The following LRRC49 variants were observed in gnomAD, a reference collection of about 807,000 sequenced individuals.
LRRC49 encodes leucine rich repeat containing 49.
Under a neutral mutation model 83.3 loss-of-function variants are expected in LRRC49, and 50 were observed. That is an observed-to-expected ratio of 0.60 (90% CI 0.48 to 0.76). The LOEUF (loss-of-function observed/expected upper bound fraction) is 0.76. Ranked by LOEUF, LRRC49 falls within the 30% of genes least tolerant of loss-of-function variation. LRRC49 has a pLI of 0.00. For missense variants in LRRC49, 704 were observed against 809.1 expected, an observed-to-expected ratio of 0.87 and a Z score of 1.58; for synonymous variants, 286 against 283.3, an observed-to-expected ratio of 1.01 and a Z score of -0.10.
chr15:70,877,310 C>T (rs1162447092), intron 2 of LRRC49, among the ~76,000 whole-genome samples: 1 of 152,152 alleles, frequency 6.6e-6, no homozygotes, highest in Non-Finnish European at 1.5e-5. Context: ...ATAAAACATT[C>T]CATCTCCCCT....
At chr15:70,857,285 C>A (rs2032676893) in intron 1 of LRRC49, among the ~76,000 whole-genome samples, 1 of 152,070 alleles carries the variant, frequency 6.6e-6, no homozygotes, top group South Asian at 2.1e-4. Flanking sequence ...GTGTGCCTGG[C>A]ACTACAGCTG....
rs563113766 is a variant in LRRC49 at position 71,043,090 on chromosome 15, G to A, written c.1857+5758G>A. On this transcript the variant is annotated intron_variant, in intron 15 of 15. Coordinates refer to ENST00000260382, the MANE Select transcript of LRRC49 (RefSeq NM_017691.5). ...TTTAGTTGACTTTTTATATGTGCAT[G>A]CCATCTCCCAACTAGACTGTAAGTT... 6.6e-5 allele frequency among the ~76,000 whole-genome samples: 10 copies of A among 152,230 alleles called. No homozygotes were observed. In the South Asian group the frequency reaches 1.9e-3, roughly 28 times the overall value.
Position 70,912,002 on chromosome 15 carries a change from T to C in LRRC49, c.567+404T>C, listed in dbSNP as rs192313218. ...TTTCATTCCTTTTTGGGTTTTTCAG[T>C]TGGTTTTATCACATATAGGTGTGTC... is the stretch of plus-strand genomic sequence containing the variant. On this transcript the variant is annotated intron_variant, in intron 6 of 15. Transcript: ENST00000260382. 1.7e-3 allele frequency among the ~76,000 whole-genome samples: 255 copies of C among 152,226 alleles called. 2 individuals are homozygous for C. Among genetic ancestry groups the C allele is most frequent in the Non-Finnish European group, 7.9e-4 (54 of 67,980 alleles).
In LRRC49 at chr15:71,011,050, C is replaced by T. The variant is rs116179933; in HGVS notation, c.1593+1058C>T. Among the ~76,000 whole-genome samples, 267 of 152,222 alleles carry T rather than the reference C, an allele frequency of 1.8e-3. 1 individual carries two copies. The highest frequency in any genetic ancestry group is 6.3e-3 in the African/African-American group (261 of 41,550). On this transcript the variant is annotated intron_variant, in intron 13 of 15. Coordinates refer to ENST00000260382, the MANE Select transcript of LRRC49 (RefSeq NM_017691.5). ...GAAATTTGCATCAACCATGGTATTTCTGTAACCTCAGAATCAGCCATCTGC... is the reference window on the plus strand; with the variant it reads ...GAAATTTGCATCAACCATGGTATTTTTGTAACCTCAGAATCAGCCATCTGC...
chr15:71,021,484 A>C (rs1264083464), intron 14 of LRRC49, among the ~76,000 whole-genome samples: 1 of 152,244 alleles, frequency 6.6e-6, no homozygotes, highest in Non-Finnish European at 1.5e-5. Flanking sequence ...TTTAAACATA[A>C]ATAGTGGTAT....
At chr15:70,961,584 A>G (rs377504090) in intron 8 of LRRC49, among the ~76,000 whole-genome samples, 17 of 152,240 alleles carry the variant, frequency 1.1e-4, no homozygotes, top group East Asian at 5.8e-4. Context: ...GAAATGAGCT[A>G]TGAAGCCACA....
At chr15:71,018,326 G>GA in intron 14 of LRRC49, among the ~76,000 whole-genome samples, 1 of 152,266 alleles carries the variant, frequency 6.6e-6, no homozygotes, top group Middle Eastern at 3.4e-3. Flanking sequence ...TGTACGGTTT[G>GA]AAAAGAGTAG....
intron 8 of LRRC49, among the ~76,000 whole-genome samples, chr15:70,949,696 A>C (rs1258737937): frequency 6.6e-6 from 1 of 152,130 alleles, no homozygotes; most frequent in African/African-American, 2.4e-5. Flanking sequence ...AATACCTATC[A>C]CAATACCTAC....
chr15:70,945,519 CTGTGTGTGTGTG>C lies in LRRC49; in HGVS notation c.773+8733_773+8744del, dbSNP rs749607668. ...ATACATTCTTTCTGTATTTAACAAC[CTGTGTGTGTGTG>C]TGTGTGTGTGTGTGTGTGTGTGTGT... On this transcript the variant is annotated intron_variant, in intron 8 of 15. Coordinates refer to ENST00000260382, the MANE Select transcript of LRRC49 (RefSeq NM_017691.5). Among the ~76,000 whole-genome samples the C allele has an allele frequency of 1.6e-3, 213 of 135,878 alleles. 4 individuals carry two copies. In the East Asian group the frequency reaches 0.036, roughly 23 times the overall value. 89.1% of individuals were successfully genotyped at this position (135,878 alleles called of 152,430 possible).
intron 10 of LRRC49, among the ~76,000 whole-genome samples, chr15:70,983,472 T>C (rs924501281): frequency 6.6e-6 from 1 of 152,226 alleles, no homozygotes; most frequent in African/African-American, 2.4e-5. Context: ...CCGTTGCTTA[T>C]AATGAATTAA....
chr15:70,998,606 T>C (rs2038153827), intron 11 of LRRC49, among the ~76,000 whole-genome samples: 1 of 152,150 alleles, frequency 6.6e-6, no homozygotes, highest in Admixed American at 6.5e-5. Context: ...ACTTTCAAGA[T>C]TGTCTCTTTA....
intron 9 of LRRC49, among the ~76,000 whole-genome samples, chr15:70,975,466 G>A (rs976663011): frequency 6.6e-6 from 1 of 152,138 alleles, no homozygotes; most frequent in Non-Finnish European, 1.5e-5. Flanking sequence ...GCCAAGGTGG[G>A]CAGATCACTT....
rs188076201 is a variant in LRRC49, at chr15:70,883,984, A to G, written c.19-9600A>G. The stretch of plus-strand genomic sequence containing the variant: ...AAATTTGATTTGTAGGGGAACTAAT[A>G]TGGGTGAGAGGTAGAAAGAAGGAGG... On this transcript the variant is annotated intron_variant, in intron 2 of 16. Transcript: ENST00000544974. 2.6e-5 allele frequency among the ~76,000 whole-genome samples: 4 copies of G among 152,184 alleles called. No homozygotes were observed. In the East Asian group the frequency reaches 7.7e-4, roughly 29 times the overall value.
intron 1 of LRRC49, among the ~76,000 whole-genome samples, chr15:70,858,221 T>C (rs1002867619): frequency 6.6e-6 from 1 of 152,216 alleles, no homozygotes; most frequent in Non-Finnish European, 1.5e-5. Context: ...GCCAACCTAA[T>C]CCTGAATACA....
chr15:71,005,814 A>G (rs1024527349), intron 11 of LRRC49, among the ~76,000 whole-genome samples: 1 of 152,212 alleles, frequency 6.6e-6, no homozygotes, highest in African/African-American at 2.4e-5. Context: ...GTGTGTATGT[A>G]TAACTAAAAA....
chr15:70,915,088 A>G (rs2034711425), intron 6 of LRRC49, among the ~76,000 whole-genome samples: 1 of 152,174 alleles, frequency 6.6e-6, no homozygotes, highest in African/African-American at 2.4e-5. Flanking sequence ...CACTTTATAC[A>G]ACCCTTTGCC....
chr15:70,907,411 C>A (rs1048976776), intron 5 of LRRC49: 4 of 152,418 alleles, frequency 2.6e-5, no homozygotes, highest in Non-Finnish European at 5.9e-5. Flanking sequence ...TCCGTTGATA[C>A]TAAAGAACTC....
intron 5 of LRRC49, chr15:70,908,557 A>G (rs1372274830): frequency 6.5e-6 from 1 of 152,688 alleles, no homozygotes; most frequent in African/African-American, 2.4e-5. Context: ...TATCTGAAAA[A>G]TATCTCAAAC....
chr15:71,037,314 T>C lies in LRRC49; in HGVS notation c.1839T>C (p.Phe613=), dbSNP rs1309384007. 1 of 1,598,352 alleles carries C rather than the reference T, an allele frequency of 6.3e-7. No individual in the cohort carries two copies. The highest frequency in any genetic ancestry group is 8.5e-7 in the Non-Finnish European group (1 of 1,173,860). Residue 613 remains phenylalanine (F), a synonymous_variant, in exon 15 of 16, where the codon TTT becomes TTC. Coordinates refer to ENST00000260382, the MANE Select transcript of LRRC49 (RefSeq NM_017691.5). ...RATLNYTTRD[F]YNEKLEEIKE... ...CATTAAATTATACTACAAGAGACTT[T>C]TATAATGAAAAGCTAGAGGTAAAAC... is the stretch of plus-strand genomic sequence containing the variant.
Sources: gnomAD v4.1 joint callset for allele counts (sites outside exome capture counted in the v4.1 genomes callset) on GRCh38, gnomAD v4.1.1 for gene constraint, MANE v1.5 for transcripts, NCBI Gene and HGNC (gene_info 2026-07-23, HGNC 2026-07-21) for gene names.